APC: variants seen among roughly 807,000 people sequenced by gnomAD.
APC encodes adenomatous polyposis coli protein.
APC carries 72 observed loss-of-function variants against 247.0 expected under a neutral mutation model. The observed-to-expected ratio is 0.29, with a 90% confidence interval of 0.24 to 0.35. APC has a LOEUF of 0.35. APC is among the 10% of genes least tolerant of loss of function. The probability of loss-of-function intolerance (pLI) is 1.00; values close to 1 mark genes in which losing one functional copy is unlikely to be tolerated. For missense variants in APC, 3,400 were observed against 3,360.7 expected, an observed-to-expected ratio of 1.01 and a Z score of -0.29; for synonymous variants, 1,254 against 1,162.5, an observed-to-expected ratio of 1.08 and a Z score of -1.60.
rs886059811 is a variant in APC, at chr5:112,845,258, C to G, written c.*1132C>G. On this transcript the variant is annotated 3_prime_UTR_variant, in exon 16 of 16. Coordinates refer to ENST00000257430, the MANE Select transcript of APC (RefSeq NM_000038.6). ...ACTTAAACTTTTTTTTCTTACTCCA[C>G]TGGAGCTCAGTAAAAGTAAATTCAT... 1 of 232,584 alleles carries G rather than the reference C, an allele frequency of 4.3e-6. No homozygotes were observed. Among genetic ancestry groups the G allele is most frequent in the Non-Finnish European group, 8.5e-6 (1 of 117,462 alleles). The allele number at this position is 232,584 out of a possible 1,614,324, so 14.4% of individuals were successfully genotyped here.
At position 112,842,728 on chromosome 5, in the gene APC, T is replaced by A. The variant is rs1554088049; in HGVS notation, c.7134T>A (p.Leu2378=). The A allele has an allele frequency of 2.5e-6, 4 of 1,613,822 alleles. No individual in the cohort carries two copies. The highest frequency in any genetic ancestry group is 3.4e-6 in the Non-Finnish European group (4 of 1,179,874). Residue 2378 remains leucine (L), a synonymous_variant, in exon 16 of 16, where the codon CTT becomes CTA. Transcript: ENST00000257430. ...GTAGACAGATGAGCCAACAGAACCT[T>A]ACCAAACAAACAGGTTTATCCAAGA... ...SPGRQMSQQN[L]TKQTGLSKNA...
intron 6 of APC, among the ~76,000 whole-genome samples, chr5:112,786,183 C>T (rs536236009): frequency 1.3e-4 from 20 of 152,254 alleles, no homozygotes; most frequent in Admixed American, 8.5e-4. Context: ...CAGCCTCAAA[C>T]GGCTCTAGCA....
At chr5:112,715,873 C>T (rs1751141603) in intron 1 of APC, among the ~76,000 whole-genome samples, 1 of 151,960 alleles carries the variant, frequency 6.6e-6, no homozygotes. Context: ...TATAATTTTT[C>T]CACTAAGAAT....
rs755571739 is a variant in APC, at chr5:112,841,690, T to A, written c.6096T>A (p.Ile2032=). 6.2e-7 allele frequency: 1 copy of A among 1,613,942 alleles called. No individual in the cohort carries two copies. Among genetic ancestry groups the A allele is most frequent in the South Asian group, 1.1e-5 (1 of 91,078 alleles). ...ACAGTTCTCTCAGTTCTCTTAGTAT[T>A]GACTCTGAAGATGACCTGTTGCAGG... The part of the protein sequence containing the change: ...SRNSSLSSLS[I]DSEDDLLQEC... Residue 2032 remains isoleucine, a synonymous_variant, in exon 16 of 16, where the codon ATT becomes ATA. Coordinates refer to ENST00000257430, the MANE Select transcript of APC (RefSeq NM_000038.6). The surrounding 1 kb of genome is among the most constrained non-coding windows in gnomAD (Gnocchi z 4.6).
rs967226219 is a variant in APC at position 112,775,669 on chromosome 5, A to G, written c.463A>G (p.Lys155Glu). The G allele has an allele frequency of 6.2e-7, 1 of 1,609,204 alleles. No homozygotes were observed. The highest frequency in any genetic ancestry group is 8.5e-7 in the Non-Finnish European group (1 of 1,178,178). ...LADLDKEEKE[K>E]DWYYAQLQNL... ...TGATCTTGACAAAGAAGAAAAGGAA[A>G]AAGACTGGTATTACGCTCAACTTCA... The change falls in exon 5 of 16, where the codon AAA (lysine) becomes GAA (glutamate). Residue 155 changes from lysine to glutamate, a missense_variant. Lys to Glu is a moderately conservative substitution (Grantham distance 56). This residue lies in a region of APC where 372 missense variants were observed against 367.6 expected (regional missense o/e 1.01). Coordinates refer to ENST00000257430, the MANE Select transcript of APC (RefSeq NM_000038.6).
intron 6 of APC, among the ~76,000 whole-genome samples, chr5:112,790,651 G>T (rs993894902): frequency 1.3e-5 from 2 of 152,078 alleles, no homozygotes; most frequent in Non-Finnish European, 2.9e-5. Flanking sequence ...TGAGTTTTCT[G>T]TTCTTTGTTT....
intron 1 of APC, among the ~76,000 whole-genome samples, chr5:112,731,524 C>T (rs758845801): frequency 3.3e-5 from 5 of 152,134 alleles, no homozygotes; most frequent in Non-Finnish European, 7.4e-5. Flanking sequence ...GAGGGTGGAA[C>T]GTGAATACCT....
intron 1 of APC, among the ~76,000 whole-genome samples, chr5:112,712,536 G>A (rs975872799): frequency 4.0e-5 from 6 of 151,580 alleles, no homozygotes; most frequent in Admixed American, 2.6e-4. Context: ...TAGGACTACA[G>A]GTGTGCATCA....
chr5:112,713,368 T>A (rs1462193400), intron 1 of APC, among the ~76,000 whole-genome samples: 1 of 152,060 alleles, frequency 6.6e-6, no homozygotes, highest in Non-Finnish European at 1.5e-5. Flanking sequence ...CATCACATTC[T>A]CCAAAGACAG....
At chr5:112,830,483 C>T (rs536136574) in intron 14 of APC, among the ~76,000 whole-genome samples, 9 of 152,138 alleles carry the variant, frequency 5.9e-5, no homozygotes, top group Non-Finnish European at 1.0e-4. Context: ...TCACTTTGGA[C>T]AACATTTGGC....
chr5:112,815,647 C>T (rs1762439552), intron 9 of APC, 54 bp downstream of exon 9: 1 of 1,426,006 alleles, frequency 7.0e-7, no homozygotes, highest in South Asian at 1.1e-5. Context: ...TTTGCTAAGA[C>T]ATTCTTGGCC....
chr5:112,715,988 G>A (rs1246825478), intron 1 of APC, among the ~76,000 whole-genome samples: 11 of 152,044 alleles, frequency 7.2e-5, no homozygotes, highest in East Asian at 3.9e-4. Context: ...CATATCTGAC[G>A]TAGGTTATTT....
chr5:112,822,348 AGCT>A (rs1258767372), intron 11 of APC, among the ~76,000 whole-genome samples: 1 of 152,132 alleles, frequency 6.6e-6, no homozygotes, highest in Non-Finnish European at 1.5e-5. Flanking sequence ...TGAAATGTGG[AGCT>A]GCTGTATTGT....
At chr5:112,795,011 C>A (rs1760047414) in intron 7 of APC, among the ~76,000 whole-genome samples, 1 of 152,122 alleles carries the variant, frequency 6.6e-6, no homozygotes, top group South Asian at 2.1e-4. Flanking sequence ...TGTCACTCTT[C>A]TAGCACTTCA....
intron 2 of APC, 138 bp downstream of exon 2, chr5:112,755,163 T>C: frequency 8.0e-7 from 1 of 1,248,050 alleles, no homozygotes; most frequent in South Asian, 1.5e-5. Context: ...TTGCAAAAGT[T>C]AGCATTTATA....
chr5:112,784,150 C>A (rs990218036), intron 6 of APC, among the ~76,000 whole-genome samples: 1 of 152,288 alleles, frequency 6.6e-6, no homozygotes, highest in East Asian at 1.9e-4. Flanking sequence ...TTACTGCAAC[C>A]CCCACCTCCT....
chr5:112,756,439 G>C (rs908352998), intron 2 of APC, among the ~76,000 whole-genome samples: 1 of 152,218 alleles, frequency 6.6e-6, no homozygotes, highest in Non-Finnish European at 1.5e-5. Context: ...TTAAAAAAGA[G>C]TAGTTTGGTA....
upstream of APC, among the ~76,000 whole-genome samples, chr5:112,733,946 C>G (rs764604390): frequency 6.6e-6 from 1 of 152,142 alleles, no homozygotes; most frequent in East Asian, 1.9e-4. Flanking sequence ...AATTAAGATT[C>G]TATTAGATGC....
At chr5:112,762,538 A>G (rs1275194982) in intron 2 of APC, among the ~76,000 whole-genome samples, 1 of 152,250 alleles carries the variant, frequency 6.6e-6, no homozygotes, top group African/African-American at 2.4e-5. Context: ...TGATAAGGCA[A>G]CAGCATGGAC....
Sources: gnomAD v4.1 joint callset for allele counts (sites outside exome capture counted in the v4.1 genomes callset) on GRCh38, gnomAD v4.1.1 for gene constraint, gnomAD v4.1.1 regional missense constraint, Gnocchi (gnomAD v3.1) non-coding constraint, MANE v1.5 for transcripts, NCBI Gene and HGNC (gene_info 2026-07-23, HGNC 2026-07-21) for gene names.